Variants in PRSS55 observed in about 807,000 individuals in gnomAD.
PRSS55 encodes probable serine protease UNQ9391/PRO34284.
Under a neutral mutation model 23.6 loss-of-function variants are expected in PRSS55, and 41 were observed. The observed-to-expected ratio is 1.74, with a 90% CI of 1.35 to 2.26. The LOEUF is 2.26. Among genes scored for constraint, PRSS55 ranks in the 30% most tolerant of loss-of-function variants. PRSS55 has a pLI of 0.00. For missense variants in PRSS55, 669 were observed against 439.1 expected (o/e 1.52, Z -4.68); for synonymous variants, 262 against 175.5 (o/e 1.49, Z -3.90).
chr8:10,542,434 A>AAC, downstream of PRSS55, among the ~76,000 whole-genome samples: 1 of 151,982 alleles, frequency 6.6e-6, no homozygotes, highest in African/African-American at 2.4e-5. Flanking sequence ...AAAAAAAAAA[A>AAC]AGCTAAGACA....
At chr8:10,541,610 A>C (rs13266722), downstream of PRSS55, 1 of 151,740 alleles carries the variant, frequency 6.6e-6, no homozygotes, top group East Asian at 1.9e-4. Context: ...ATCTATATTT[A>C]TATCATCTAT....
chr8:10,536,392 G>C (rs549820712), intron 4 of PRSS55, among the ~76,000 whole-genome samples: 2 of 152,270 alleles, frequency 1.3e-5, no homozygotes, highest in East Asian at 3.9e-4. Context: ...AGAGAAAAGA[G>C]AATGCTTCTA....
chr8:10,538,442 G>A (rs777721498), intron 4 of PRSS55, 34 bp from the exon 5 acceptor site: 40 of 1,527,488 alleles, frequency 2.6e-5, no homozygotes, highest in African/African-American at 9.6e-5. Flanking sequence ...GCTTAGAACC[G>A]GACTCCCTGC....
chr8:10,553,539 A>T (rs962316111), intron 4 of PRSS55, among the ~76,000 whole-genome samples: 6 of 152,200 alleles, frequency 3.9e-5, no homozygotes, highest in Non-Finnish European at 5.9e-5. Flanking sequence ...AGTGAATTAA[A>T]CCAGGCCCAG....
chr8:10,548,070 G>A (rs1180055880), intron 4 of PRSS55, among the ~76,000 whole-genome samples: 2 of 152,178 alleles, frequency 1.3e-5, no homozygotes, highest in Admixed American at 6.5e-5. Flanking sequence ...GGACTGCTCC[G>A]TGTGAAAGAG....
intron 4 of PRSS55, among the ~76,000 whole-genome samples, chr8:10,533,843 C>A (rs1269558599): frequency 2.0e-5 from 3 of 151,990 alleles, no homozygotes; most frequent in African/African-American, 7.3e-5. Context: ...AGAGGCTGCC[C>A]CATGGAAAAG....
intron 2 of PRSS55, 80 bp from the exon 3 acceptor site, chr8:10,531,215 T>A: frequency 6.4e-7 from 1 of 1,561,898 alleles, no homozygotes; most frequent in East Asian, 2.2e-5. Context: ...GGGATTTAGG[T>A]TTCTGGGCAC....
chr8:10,539,986 C>G (rs568494797), downstream of PRSS55, among the ~76,000 whole-genome samples: 19 of 152,334 alleles, frequency 1.2e-4, no homozygotes, highest in Admixed American at 3.9e-4. Context: ...GTTCTCCCTT[C>G]TGGCTCATCC....
chr8:10,548,313 G>C (rs78161738), intron 4 of PRSS55, among the ~76,000 whole-genome samples: 2,399 of 152,184 alleles, frequency 0.016, 76 homozygotes, highest in African/African-American at 0.055. Context: ...CAGGACTGGA[G>C]ACCTGGGGCA....
downstream of PRSS55, among the ~76,000 whole-genome samples, chr8:10,538,996 G>A (rs981026634): frequency 4.0e-5 from 6 of 151,590 alleles, no homozygotes; most frequent in African/African-American, 1.5e-4. Context: ...CTAGGTGACA[G>A]TCACCTAATT....
intron 4 of PRSS55, among the ~76,000 whole-genome samples, chr8:10,534,092 T>C (rs1812370391): frequency 6.6e-6 from 1 of 150,860 alleles, no homozygotes; most frequent in African/African-American, 2.4e-5. Flanking sequence ...TTGTATTTTC[T>C]TCACTTTCTG....
At chr8:10,544,586 C>G (rs549270896) in intron 4 of PRSS55, among the ~76,000 whole-genome samples, 7 of 152,230 alleles carry the variant, frequency 4.6e-5, no homozygotes, top group Non-Finnish European at 1.0e-4. Context: ...CTTTTTGTCC[C>G]TCTGACCTTC....
Position 10,529,496 on chromosome 8 carries a change from C to CTTTCCACCAGAATGTG in PRSS55, c.155-10_160dup. 1 of 1,613,744 alleles carries CTTTCCACCAGAATGTG rather than the reference C, an allele frequency of 6.2e-7. No homozygotes were observed. Among genetic ancestry groups the CTTTCCACCAGAATGTG allele is most frequent in the South Asian group, 1.1e-5 (1 of 91,078 alleles). ...TCCCCTTTTCCTTTCCACTCTCTTTCTTTCCACCAGAATGTGGTGACAGAT... is the reference window on the plus strand; with the variant it reads ...TCCCCTTTTCCTTTCCACTCTCTTTCTTTCCACCAGAATGTGTTTCCACCAGAATGTGGTGACAGAT... On this transcript the variant is annotated splice_polypyrimidine_tract_variant and intron_variant, in intron 1 of 4. Coordinates refer to ENST00000328655, the MANE Select transcript of PRSS55 (RefSeq NM_198464.4).
At chr8:10,528,155 T>C (rs953809088) in intron 1 of PRSS55, among the ~76,000 whole-genome samples, 14 of 146,522 alleles carry the variant, frequency 9.6e-5, no homozygotes, top group African/African-American at 3.3e-4. Flanking sequence ...GCCGAGATGG[T>C]GCCACTGCAC....
At chr8:10,546,797 C>T (rs1489180047) in intron 4 of PRSS55, among the ~76,000 whole-genome samples, 1 of 152,172 alleles carries the variant, frequency 6.6e-6, no homozygotes, top group Non-Finnish European at 1.5e-5. Context: ...GATCCTCCCA[C>T]CTCCACCTCC....
At chr8:10,548,855 G>T (rs1341945261) in intron 4 of PRSS55, among the ~76,000 whole-genome samples, 1 of 152,076 alleles carries the variant, frequency 6.6e-6, no homozygotes, top group Admixed American at 6.5e-5. Context: ...GCACTGTGCT[G>T]GGGACCTGGT....
At chr8:10,536,664 C>T (rs1264639398) in intron 4 of PRSS55, among the ~76,000 whole-genome samples, 2 of 150,710 alleles carry the variant, frequency 1.3e-5, no homozygotes. Context: ...TACACGTACA[C>T]TGTGGAATAC....
chr8:10,553,932 T>C lies in PRSS55; in HGVS notation c.742-11T>C, dbSNP rs751898179. On this transcript the variant is annotated splice_polypyrimidine_tract_variant and intron_variant, in intron 4 of 4. Coordinates refer to the PRSS55 transcript ENST00000522210. ...TTTTTTTAATTTGTCAATTTAATTT[T>C]TTTTTTAAAGCAAAGCTATTTTCCC... is the stretch of plus-strand genomic sequence containing the variant. 3.3e-6 allele frequency: 5 copies of C among 1,502,214 alleles called. No individual in the cohort carries two copies. The East Asian group carries it at 7.4e-5, about 22-fold the overall frequency. 93.1% of individuals were successfully genotyped at this position (1,502,214 alleles called of 1,614,324 possible).
rs925768620 is a variant in PRSS55, at chr8:10,529,512, G to A, written c.160G>A (p.Gly54Ser). The change falls in exon 2 of 5, where the codon GGT becomes AGT. Residue 54 changes from glycine (G) to serine (S), a missense_variant. Gly to Ser is a moderately conservative substitution (Grantham distance 56, BLOSUM62 0). Coordinates refer to ENST00000328655, the MANE Select transcript of PRSS55 (RefSeq NM_198464.4). ...PHPPSPVSEC[G>S]DRSIFEGRTR... ...ACTCTCTTTCTTTCCACCAGAATGT[G>A]GTGACAGATCTATTTTCGAGGGAAG... 5.0e-6 allele frequency: 8 copies of A among 1,614,030 alleles called. No homozygotes were observed. Among genetic ancestry groups the A allele is most frequent in the Admixed American group, 1.7e-5 (1 of 60,024 alleles).
Sources: gnomAD v4.1 joint callset for allele counts (sites outside exome capture counted in the v4.1 genomes callset) on GRCh38, gnomAD v4.1.1 for gene constraint, MANE v1.5 for transcripts, NCBI Gene and HGNC (gene_info 2026-07-23, HGNC 2026-07-21) for gene names.